Variants in CFAP20DC observed in about 807,000 individuals in gnomAD.
The protein encoded by CFAP20DC is protein CFAP20DC.
Under a neutral mutation model 101.7 loss-of-function variants are expected in CFAP20DC, and 84 were observed. The ratio of observed to expected loss-of-function variants is 0.83; its 90% CI spans 0.69 to 0.99. The LOEUF is 0.99. CFAP20DC is among the 50% of genes least tolerant of loss of function. The pLI is 0.00. For missense variants in CFAP20DC, 1,007 were observed against 970.3 expected (o/e 1.04, Z -0.50); for synonymous variants, 359 against 351.2 (o/e 1.02, Z -0.25).
intron 13 of CFAP20DC, 43 bp downstream of exon 13, chr3:58,848,989 G>C: frequency 6.6e-7 from 1 of 1,518,590 alleles, no homozygotes; most frequent in South Asian, 1.2e-5. Flanking sequence ...GAACACAGCA[G>C]GATGTATTGC....
Position 58,729,825 on chromosome 3 carries a change from C to T in CFAP20DC, c.198-12197G>A, listed in dbSNP as rs965227002. 2.0e-5 allele frequency among the ~76,000 whole-genome samples: 3 copies of T among 151,734 alleles called. No individual in the cohort carries two copies. Among genetic ancestry groups the T allele is most frequent in the East Asian group, 3.9e-4 (2 of 5,168 alleles). Reference sequence around the variant, plus strand: ...CCTGAGGTCAGGAGTTCGAGACCAGCGTGACCAACACGGAGAAACCCTGTC... The same window carrying T: ...CCTGAGGTCAGGAGTTCGAGACCAGTGTGACCAACACGGAGAAACCCTGTC... On this transcript the variant is annotated intron_variant, in intron 3 of 3. Coordinates refer to the CFAP20DC transcript ENST00000486145. The surrounding 1 kb of genome is among the most constrained non-coding windows in gnomAD (Gnocchi z 4.4).
intron 1 of CFAP20DC, among the ~76,000 whole-genome samples, chr3:59,048,077 C>A (rs1050348848): frequency 6.6e-6 from 1 of 152,150 alleles, no homozygotes; most frequent in Non-Finnish European, 1.5e-5. Flanking sequence ...GAAGGACACA[C>A]TTATGTAAGC....
chr3:58,947,684 G>A (rs933915491), intron 4 of CFAP20DC, among the ~76,000 whole-genome samples: 1 of 152,216 alleles, frequency 6.6e-6, no homozygotes, highest in African/African-American at 2.4e-5. Flanking sequence ...ATACTTGGCT[G>A]TGTTGTGCAG....
Position 58,795,422 on chromosome 3 carries a change from T to C in CFAP20DC, c.2237+10973A>G, listed in dbSNP as rs2073167626. Among the ~76,000 whole-genome samples the C allele has an allele frequency of 6.6e-6, 1 of 152,108 alleles. No individual in the cohort carries two copies. Among genetic ancestry groups the C allele is most frequent in the Admixed American group, 6.5e-5 (1 of 15,280 alleles). On this transcript the variant is annotated intron_variant, in intron 15 of 16. Transcript: ENST00000482387. This position sits in a 1 kb window ranked among gnomAD's most constrained non-coding sequence, Gnocchi z 4.2. The stretch of plus-strand genomic sequence containing the variant: ...GAGGCCAAGGTGGAGGGACGGTTGC[T>C]TGAGCCCAGGAGTACGAGACCAGCT...
intron 1 of CFAP20DC, among the ~76,000 whole-genome samples, chr3:59,048,868 T>C (rs1030189943): frequency 6.6e-6 from 1 of 152,022 alleles, no homozygotes; most frequent in African/African-American, 2.4e-5. Flanking sequence ...AAGGGAGGTG[T>C]CCAGTGAGGT....
intron 6 of CFAP20DC, among the ~76,000 whole-genome samples, chr3:58,895,032 A>T (rs552419346): frequency 6.6e-6 from 1 of 152,210 alleles, no homozygotes; most frequent in Non-Finnish European, 1.5e-5. Context: ...GCTGCACACA[A>T]CATGGTGACC....
intron 12 of CFAP20DC, among the ~76,000 whole-genome samples, chr3:58,853,862 A>C (rs1435063809): frequency 1.3e-5 from 2 of 151,948 alleles, no homozygotes; most frequent in East Asian, 1.9e-4. Flanking sequence ...TCTATGACAA[A>C]CCCACAGCCA....
intron 5 of CFAP20DC, among the ~76,000 whole-genome samples, chr3:58,922,316 C>A (rs2107553224): frequency 6.6e-6 from 1 of 152,284 alleles, no homozygotes; most frequent in Admixed American, 6.5e-5. Flanking sequence ...CATTTTTTAG[C>A]ATTCCGTTAA....
chr3:58,858,936 A>T (rs1377764392), intron 12 of CFAP20DC, among the ~76,000 whole-genome samples: 4 of 152,228 alleles, frequency 2.6e-5, no homozygotes. Flanking sequence ...CAGAATGAAA[A>T]AAATAATTTC....
In CFAP20DC at chr3:58,820,142, T is replaced by G. The variant is rs555981224; in HGVS notation, c.2175+11544A>C. ...AAATTAGGTATTGATGGGACATATT[T>G]CAAAATAATAAGAGCTATCTATGAC... is the stretch of plus-strand genomic sequence containing the variant. On this transcript the variant is annotated intron_variant, in intron 14 of 16. Transcript: ENST00000482387. 2.2e-3 allele frequency among the ~76,000 whole-genome samples: 340 copies of G among 152,126 alleles called. 1 individual carries two copies. The highest frequency in any genetic ancestry group is 7.9e-3 in the African/African-American group (326 of 41,480).
At chr3:58,945,727 T>C (rs2089265541) in intron 4 of CFAP20DC, among the ~76,000 whole-genome samples, 1 of 150,660 alleles carries the variant, frequency 6.6e-6, no homozygotes, top group Admixed American at 6.6e-5. Flanking sequence ...AGACGGAGTC[T>C]CGTTCTGTCA....
At chr3:58,739,115 CTA>C (rs1167820631), downstream of CFAP20DC, among the ~76,000 whole-genome samples, 1 of 152,038 alleles carries the variant, frequency 6.6e-6, no homozygotes, top group African/African-American at 2.4e-5. Context: ...GCAAAAGTGT[CTA>C]TGTATTATGA....
At chr3:58,856,455 G>A (rs988001399) in intron 12 of CFAP20DC, among the ~76,000 whole-genome samples, 2 of 152,142 alleles carry the variant, frequency 1.3e-5, no homozygotes, top group African/African-American at 2.4e-5. Context: ...TTTTGCAAAT[G>A]TAACAATCCC....
At chr3:58,853,103 G>A (rs994461583) in intron 12 of CFAP20DC, among the ~76,000 whole-genome samples, 22 of 152,136 alleles carry the variant, frequency 1.4e-4, no homozygotes, top group Non-Finnish European at 2.2e-4. Flanking sequence ...TAATAAAGAA[G>A]AAAAGAGAGA....
At chr3:58,988,820 A>G (rs193285134) in intron 4 of CFAP20DC, among the ~76,000 whole-genome samples, 1 of 152,248 alleles carries the variant, frequency 6.6e-6, no homozygotes, top group East Asian at 1.9e-4. Context: ...TTCCCATTTT[A>G]GTCTGATTTC....
chr3:59,035,741 AT>A (rs1271029927), intron 4 of CFAP20DC, among the ~76,000 whole-genome samples: 1 of 152,164 alleles, frequency 6.6e-6, no homozygotes, highest in African/African-American at 2.4e-5. Context: ...AACCAGACAG[AT>A]TCACAGCCAA....
intron 1 of CFAP20DC, among the ~76,000 whole-genome samples, chr3:59,048,563 T>C (rs961946947): frequency 2.0e-5 from 3 of 152,178 alleles, no homozygotes; most frequent in Admixed American, 2.0e-4. Flanking sequence ...CACATGTTTT[T>C]TTGATAATAT....
intron 4 of CFAP20DC, among the ~76,000 whole-genome samples, chr3:58,954,363 G>A (rs1436856842): frequency 6.6e-6 from 1 of 152,158 alleles, no homozygotes; most frequent in Non-Finnish European, 1.5e-5. Flanking sequence ...ACTGATCTCA[G>A]ACTTCTGATG....
rs1000523211 is a variant in CFAP20DC, at chr3:59,046,231, C to A, written c.203G>T (p.Ser68Ile). 1.2e-5 allele frequency: 19 copies of A among 1,525,950 alleles called. No homozygotes were observed. Among genetic ancestry groups the A allele is most frequent in the Non-Finnish European group, 1.7e-5 (19 of 1,140,462 alleles). 94.5% of individuals were successfully genotyped at this position (1,525,950 alleles called of 1,614,324 possible). A position where few individuals can be genotyped will look rare whatever the true frequency, so the allele number is the denominator to read the frequency against. Residue 68 changes from serine to isoleucine, a missense_variant and splice_region_variant, in exon 3 of 17, where the codon AGC (serine) becomes ATC (isoleucine). Physicochemically the swap from Ser to Ile is moderately radical, Grantham distance 142. Coordinates refer to ENST00000482387, the MANE Select transcript of CFAP20DC (RefSeq NM_001394063.1). ...TCAATATTAAAAATATTACTTACGG[C>A]TTTGCTTATTCTCCTTTGGTAACTG... Reference protein sequence around the residue: ...KIQLPKENKQSLGLIQRFLVL... With the variant: ...KIQLPKENKQILGLIQRFLVL...
Sources: allele counts gnomAD v4.1 joint callset (sites outside exome capture counted in the v4.1 genomes callset), GRCh38; gene constraint gnomAD v4.1.1; non-coding constraint Gnocchi (gnomAD v3.1); transcripts MANE v1.5; gene names NCBI Gene and HGNC (gene_info 2026-07-23, HGNC 2026-07-21).